IP6K1: variants seen among roughly 807,000 people sequenced by gnomAD.
IP6K1 encodes inositol hexakisphosphate kinase 1.
A neutral mutation model predicts 38.3 loss-of-function variants in IP6K1; 13 were observed. That is an observed-to-expected ratio of 0.34 (90% CI 0.22 to 0.54). The LOEUF is 0.54. Ranked by LOEUF, IP6K1 falls within the 20% of genes least tolerant of loss-of-function variation. IP6K1 has a pLI of 0.92. For synonymous variants in IP6K1, 212 were observed against 229.9 expected (o/e 0.92, Z 0.70); for missense variants, 397 against 599.8 (o/e 0.66, Z 3.53).
chr3:49,785,926 T>C (rs534891452), intron 1 of IP6K1: 1 of 152,342 alleles, frequency 6.6e-6, no homozygotes, highest in Non-Finnish European at 1.5e-5. Flanking sequence ...GGCTTTGGCT[T>C]GCTTCGTCTA....
chr3:49,746,652 C>G (rs2080723974), intron 2 of IP6K1, among the ~76,000 whole-genome samples: 1 of 142,444 alleles, frequency 7.0e-6, no homozygotes, highest in South Asian at 2.2e-4. Context: ...TCTAGCCTGG[C>G]AACAGAGAGA....
chr3:49,759,702 A>C (rs537771642), intron 1 of IP6K1, among the ~76,000 whole-genome samples: 7 of 152,288 alleles, frequency 4.6e-5, no homozygotes, highest in East Asian at 1.9e-4. Flanking sequence ...ACAACAACAA[A>C]AAACGACTTT....
At chr3:49,764,396 T>A (rs552561905) in intron 1 of IP6K1, among the ~76,000 whole-genome samples, 2 of 151,848 alleles carry the variant, frequency 1.3e-5, no homozygotes, top group South Asian at 4.2e-4. Context: ...ACGAGAAAAA[T>A]TTTAAAATAT....
chr3:49,781,156 G>A (rs1489515258), intron 1 of IP6K1, among the ~76,000 whole-genome samples: 1 of 151,342 alleles, frequency 6.6e-6, no homozygotes, highest in Non-Finnish European at 1.5e-5. Flanking sequence ...CTGCCTTCCA[G>A]GTTCAAGTGA....
At chr3:49,731,051 A>G (rs929713966) in intron 4 of IP6K1, among the ~76,000 whole-genome samples, 1 of 151,536 alleles carries the variant, frequency 6.6e-6, no homozygotes, top group African/African-American at 2.4e-5. Context: ...AGTGAATGAG[A>G]GAGAGAGATC....
At position 49,727,671 on chromosome 3, in the gene IP6K1, GCAGA is replaced by G; in HGVS notation, c.793-20_793-17del. ...GCTGGTACACCTGAAACCCCAGGAG[GCAGA>G]CAGGGTGAGTGCCAGGGAAGTCTGA... is the stretch of plus-strand genomic sequence containing the variant. On this transcript the variant is annotated splice_polypyrimidine_tract_variant and intron_variant, in intron 5 of 5. Coordinates refer to ENST00000321599, the MANE Select transcript of IP6K1 (RefSeq NM_153273.4). This position sits in a 1 kb window ranked among gnomAD's most constrained non-coding sequence, Gnocchi z 5.9. 1 of 1,608,300 alleles carries G rather than the reference GCAGA, an allele frequency of 6.2e-7. No individual in the cohort carries two copies. Among genetic ancestry groups the G allele is most frequent in the African/African-American group, 1.3e-5 (1 of 74,938 alleles).
intron 2 of IP6K1, among the ~76,000 whole-genome samples, chr3:49,738,740 C>T (rs2080638562): frequency 6.6e-6 from 1 of 152,226 alleles, no homozygotes; most frequent in African/African-American, 2.4e-5. Flanking sequence ...GACACCCACA[C>T]CTGGCATCAC....
intron 1 of IP6K1, among the ~76,000 whole-genome samples, chr3:49,784,558 T>C (rs1159792638): frequency 1.3e-5 from 2 of 151,506 alleles, no homozygotes; most frequent in Non-Finnish European, 1.5e-5. Context: ...GGCAGGAGAC[T>C]TGCTTGAACC....
chr3:49,731,052 G>A (rs1169882952), intron 4 of IP6K1, among the ~76,000 whole-genome samples: 1 of 151,342 alleles, frequency 6.6e-6, no homozygotes, highest in Non-Finnish European at 1.5e-5. Flanking sequence ...GTGAATGAGA[G>A]AGAGAGATCT....
chr3:49,736,128 C>T (rs1300237307), intron 3 of IP6K1, among the ~76,000 whole-genome samples: 1 of 152,156 alleles, frequency 6.6e-6, no homozygotes, highest in Non-Finnish European at 1.5e-5. Flanking sequence ...GTTGGTCAGG[C>T]TGGTCTCGAA....
At chr3:49,744,456 G>T (rs1241171023) in intron 2 of IP6K1, among the ~76,000 whole-genome samples, 1 of 143,096 alleles carries the variant, frequency 7.0e-6, no homozygotes, top group Non-Finnish European at 1.5e-5. Context: ...AGGAAGAGTT[G>T]TCCCTTCATA....
At chr3:49,776,415 G>T (rs1019726203) in intron 1 of IP6K1, among the ~76,000 whole-genome samples, 1 of 151,952 alleles carries the variant, frequency 6.6e-6, no homozygotes, top group African/African-American at 2.4e-5. Flanking sequence ...TATTCGCGAG[G>T]CTGAGGCAGG....
chr3:49,736,976 G>A (rs1386593628), intron 3 of IP6K1, among the ~76,000 whole-genome samples: 2 of 150,800 alleles, frequency 1.3e-5, no homozygotes, highest in African/African-American at 2.4e-5. Context: ...GTTTCACCGT[G>A]TTAGCCAGGA....
chr3:49,784,082 T>C (rs984838228), intron 1 of IP6K1, among the ~76,000 whole-genome samples: 1 of 152,058 alleles, frequency 6.6e-6, no homozygotes, highest in Non-Finnish European at 1.5e-5. Flanking sequence ...AGTGGCGCGA[T>C]CTCAGCTCAC....
chr3:49,751,761 G>T (rs2080779085), intron 1 of IP6K1, among the ~76,000 whole-genome samples: 1 of 152,184 alleles, frequency 6.6e-6, no homozygotes, highest in Admixed American at 6.6e-5. Flanking sequence ...CATATTTTAA[G>T]ATAATTATTG....
intron 1 of IP6K1, among the ~76,000 whole-genome samples, chr3:49,752,637 C>G (rs1001036362): frequency 9.9e-5 from 15 of 151,926 alleles, no homozygotes; most frequent in Non-Finnish European, 1.8e-4. Flanking sequence ...ATTCTCCTAC[C>G]GTAGAGACGG....
At chr3:49,734,863 C>T (rs2080593446) in intron 3 of IP6K1, among the ~76,000 whole-genome samples, 2 of 152,162 alleles carry the variant, frequency 1.3e-5, no homozygotes, top group African/African-American at 4.8e-5. Flanking sequence ...AGAAACAAGC[C>T]CCACCCCTGG....
chr3:49,750,986 T>C (rs2080771908), intron 1 of IP6K1, among the ~76,000 whole-genome samples: 1 of 152,336 alleles, frequency 6.6e-6, no homozygotes, highest in African/African-American at 2.4e-5. Context: ...TCTCAAGCTC[T>C]GTGAAGCCTT....
At chr3:49,774,784 T>C (rs1345837822) in intron 1 of IP6K1, among the ~76,000 whole-genome samples, 5 of 152,168 alleles carry the variant, frequency 3.3e-5, no homozygotes, top group African/African-American at 1.2e-4. Context: ...TTATGTTTTA[T>C]AAAGTCATTG....
Sources: allele counts gnomAD v4.1 joint callset (sites outside exome capture counted in the v4.1 genomes callset), GRCh38; gene constraint gnomAD v4.1.1; non-coding constraint Gnocchi (gnomAD v3.1); transcripts MANE v1.5; gene names NCBI Gene and HGNC (gene_info 2026-07-23, HGNC 2026-07-21).